Variants in MCM8 observed in about 807,000 individuals in gnomAD.
The protein encoded by MCM8 is DNA helicase MCM8.
MCM8 carries 85 observed loss-of-function variants against 98.9 expected under a neutral mutation model. That is an observed-to-expected ratio of 0.86 (90% CI 0.72 to 1.03). The LOEUF is 1.03. MCM8 is among the 50% of genes least tolerant of loss of function. The probability of loss-of-function intolerance (pLI) is 0.00; values close to 1 mark genes in which losing one functional copy is unlikely to be tolerated. For missense variants in MCM8, 951 were observed against 997.8 expected (o/e 0.95, Z 0.63); for synonymous variants, 352 against 338.6 (o/e 1.04, Z -0.44).
At position 5,958,045 on chromosome 20, in the gene MCM8, A is replaced by G. The variant is rs1438448767; in HGVS notation, c.591-483A>G. Among the ~76,000 whole-genome samples, 3 of 152,268 alleles carry G rather than the reference A, an allele frequency of 2.0e-5. No homozygotes were observed. The East Asian group carries it at 5.8e-4, about 29-fold the overall frequency. On this transcript the variant is annotated intron_variant, in intron 6 of 18. Transcript: ENST00000610722. The stretch of plus-strand genomic sequence containing the variant: ...TTCCTTGAGAACAGCCTGTGAGACA[A>G]GAAGAAAAAGGAAGATTTAGTGTTG...
At chr20:5,952,253 T>G in intron 2 of MCM8, 90 bp downstream of exon 2, 1 of 1,569,530 alleles carries the variant, frequency 6.4e-7, no homozygotes, top group South Asian at 1.2e-5. Flanking sequence ...TACTTCAGTT[T>G]GTCTTTTATT....
At chr20:5,951,584 A>G (rs1176350348) in intron 1 of MCM8, among the ~76,000 whole-genome samples, 1 of 152,230 alleles carries the variant, frequency 6.6e-6, no homozygotes, top group Non-Finnish European at 1.5e-5. Context: ...GTAAGAAGCT[A>G]TGATGATGTA....
In MCM8 at chr20:5,995,639, A is replaced by G. The variant is rs886743317; in HGVS notation, c.*1248A>G. 3.9e-5 allele frequency: 6 copies of G among 152,230 alleles called. No individual in the cohort carries two copies. The highest frequency in any genetic ancestry group is 1.9e-4 in the East Asian group (1 of 5,204). The allele number at this position is 152,230 out of a possible 1,614,324, so 9.4% of individuals were successfully genotyped here. A position where few individuals can be genotyped will look rare whatever the true frequency, so the allele number is the denominator to read the frequency against. On this transcript the variant is annotated 3_prime_UTR_variant, in exon 19 of 19. Coordinates refer to ENST00000610722, the MANE Select transcript of MCM8 (RefSeq NM_032485.6). ...AAAGGGTATGTTATATGCCCCTTTC[A>G]TAGGCTGCTAGGGAGTTTTCCTGGT...
At position 5,986,112 on chromosome 20, in the gene MCM8, C is replaced by G. The variant is rs1417668763; in HGVS notation, c.2144C>G (p.Ser715Cys). The G allele has an allele frequency of 1.2e-6, 2 of 1,614,170 alleles. No individual in the cohort carries two copies. Among genetic ancestry groups the G allele is most frequent in the Non-Finnish European group, 1.7e-6 (2 of 1,180,022 alleles). Residue 715 changes from serine (S) to cysteine (C), a missense_variant, in exon 16 of 19, where the codon TCT (serine) becomes TGT (cysteine). Physicochemically the swap from Ser to Cys is moderately radical, Grantham distance 112. Transcript: ENST00000610722. ...CCAATCACTACCAGGCAGCTGGAATCTTTGATTCGTCTGACAGAGGTTTGT... is the reference window on the plus strand; with the variant it reads ...CCAATCACTACCAGGCAGCTGGAATGTTTGATTCGTCTGACAGAGGTTTGT... ...SSPITTRQLE[S>C]LIRLTEARAR... is the part of the protein sequence containing the mutation.
Position 5,952,066 on chromosome 20 carries a change from C to A in MCM8, c.51C>A (p.Ser17Arg), listed in dbSNP as rs1270739083. 2 of 1,613,820 alleles carry A rather than the reference C, an allele frequency of 1.2e-6. No individual in the cohort carries two copies. The highest frequency in any genetic ancestry group is 1.3e-5 in the African/African-American group (1 of 74,868). ...GRGFGRGRFQ[S>R]WKRGRGGGNF... Reference sequence around the variant, plus strand: ...GATTTGGACGAGGAAGATTTCAAAGCTGGAAAAGGGGAAGAGGTGGTGGGA... The same window carrying A: ...GATTTGGACGAGGAAGATTTCAAAGATGGAAAAGGGGAAGAGGTGGTGGGA... Residue 17 changes from serine (S) to arginine (R), a missense_variant, in exon 2 of 19, where the codon AGC (serine) becomes AGA (arginine). Physicochemically the swap from Ser to Arg is moderately radical, Grantham distance 110. Transcript: ENST00000610722.
At chr20:5,952,666 A>G (rs1266099313) in intron 3 of MCM8, 138 bp downstream of exon 3, 5 of 723,956 alleles carry the variant, frequency 6.9e-6, no homozygotes, top group East Asian at 2.7e-5. Context: ...CAATTAAATG[A>G]TGTTTATGTT....
Position 5,994,488 on chromosome 20 carries a change from C to G in MCM8, c.*97C>G, listed in dbSNP as rs1466188630. ...ACGCACAGACAGACAGACACACACA[C>G]ACACACACACACACACACACACACA... On this transcript the variant is annotated 3_prime_UTR_variant, in exon 19 of 19. Coordinates refer to ENST00000610722, the MANE Select transcript of MCM8 (RefSeq NM_032485.6). 1.5e-5 allele frequency: 8 copies of G among 530,718 alleles called. No individual in the cohort carries two copies. Among genetic ancestry groups the G allele is most frequent in the East Asian group, 8.4e-5 (2 of 23,792 alleles). 32.9% of individuals were successfully genotyped at this position (530,718 alleles called of 1,614,324 possible). A position where few individuals can be genotyped will look rare whatever the true frequency, so the allele number is the denominator to read the frequency against.
chr20:5,984,249 A>G (rs1375503740), intron 14 of MCM8, among the ~76,000 whole-genome samples: 2 of 152,206 alleles, frequency 1.3e-5, no homozygotes, highest in East Asian at 1.9e-4. Context: ...TTAATAATGT[A>G]TCAATATAGA....
At chr20:5,954,427 A>T (rs1397175911) in intron 3 of MCM8, among the ~76,000 whole-genome samples, 181 bp from the exon 4 acceptor site, 1 of 152,206 alleles carries the variant, frequency 6.6e-6, no homozygotes, top group African/African-American at 2.4e-5. Context: ...CATTATGCAA[A>T]CCTAAATTTG....
chr20:5,975,437 T>TAGGG (rs1215066159), intron 12 of MCM8, among the ~76,000 whole-genome samples: 2 of 151,988 alleles, frequency 1.3e-5, no homozygotes, highest in African/African-American at 4.8e-5. Flanking sequence ...GTGTCTTATC[T>TAGGG]GTACAAATCT....
At position 5,994,553 on chromosome 20, in the gene MCM8, C is replaced by T. The variant is rs1157104563; in HGVS notation, c.*162C>T. ...AATACTGTTCTCTGAAAAATGATGT[C>T]CCAAAAGTATTATAATAGGAAAAAA... On this transcript the variant is annotated 3_prime_UTR_variant, in exon 19 of 19. Coordinates refer to ENST00000610722, the MANE Select transcript of MCM8 (RefSeq NM_032485.6). 1 of 563,940 alleles carries T rather than the reference C, an allele frequency of 1.8e-6. No individual in the cohort carries two copies. The allele number at this position is 563,940 out of a possible 1,614,324, so 34.9% of individuals were successfully genotyped here.
rs11472210 is a variant in MCM8 at position 5,994,478 on chromosome 20, GACACACACACAC to G, written c.*121_*132del. On this transcript the variant is annotated 3_prime_UTR_variant, in exon 19 of 19. Transcript: ENST00000610722. ...ATATGCGTGCACGCACAGACAGACA[GACACACACACAC>G]ACACACACACACACACACACACACA... 7.9e-3 allele frequency: 3,044 copies of G among 384,268 alleles called. 36 individuals are homozygous for G. Among genetic ancestry groups the G allele is most frequent in the African/African-American group, 0.044 (1,891 of 43,256 alleles). The allele number at this position is 384,268 out of a possible 1,614,324, so 23.8% of individuals were successfully genotyped here. A position where few individuals can be genotyped will look rare whatever the true frequency, so the allele number is the denominator to read the frequency against.
chr20:5,972,125 T>TGTAA, intron 11 of MCM8, 88 bp downstream of exon 11: 1 of 939,874 alleles, frequency 1.1e-6, no homozygotes, highest in Non-Finnish European at 1.6e-6. Flanking sequence ...AGCAAATTTC[T>TGTAA]ATTGGCCAGT....
chr20:5,996,856 T>G lies in MCM8; in HGVS notation c.*2465T>G, dbSNP rs761975447. ...CTTTTATGGGTGTGCAAACATCACA[T>G]TACAGTCCCTCCAACCACAAACCCC... On this transcript the variant is annotated 3_prime_UTR_variant, in exon 19 of 19. Transcript: ENST00000610722. 9 of 152,264 alleles carry G rather than the reference T, an allele frequency of 5.9e-5. No homozygotes were observed. The highest frequency in any genetic ancestry group is 1.2e-4 in the Non-Finnish European group (8 of 68,066). The allele number at this position is 152,264 out of a possible 1,614,324, so 9.4% of individuals were successfully genotyped here. A position where few individuals can be genotyped will look rare whatever the true frequency, so the allele number is the denominator to read the frequency against.
At chr20:5,994,049 C>A in intron 18 of MCM8, 1 of 320,658 alleles carries the variant, frequency 3.1e-6, no homozygotes, top group Admixed American at 4.9e-5. Flanking sequence ...CAAAAGTTAG[C>A]TTGATTTTTT....
intron 17 of MCM8, among the ~76,000 whole-genome samples, 180 bp downstream of exon 17, chr20:5,987,538 A>AT (rs1188289707): frequency 6.6e-6 from 1 of 152,154 alleles, no homozygotes; most frequent in Non-Finnish European, 1.5e-5. Context: ...TACATTAGAA[A>AT]TTTTTTTGAA....
At chr20:5,951,063 T>C (rs2088808560) in intron 1 of MCM8, 40 bp downstream of exon 1, 1 of 152,198 alleles carries the variant, frequency 6.6e-6, no homozygotes, top group South Asian at 2.1e-4. Context: ...TAAAGTAGTA[T>C]TTGAAGAAGC....
chr20:5,978,340 C>G (rs942466597), intron 13 of MCM8, among the ~76,000 whole-genome samples: 1 of 151,916 alleles, frequency 6.6e-6, no homozygotes, highest in Non-Finnish European at 1.5e-5. Flanking sequence ...TTTTAAAAGC[C>G]TGTTTTGAAG....
intron 17 of MCM8, among the ~76,000 whole-genome samples, chr20:5,992,882 G>T (rs236122): frequency 1.8e-4 from 28 of 152,010 alleles, no homozygotes; most frequent in African/African-American, 6.5e-4. Context: ...ATCAGCAATA[G>T]AGTTGGATTA....
Sources: gnomAD v4.1 joint callset for allele counts (sites outside exome capture counted in the v4.1 genomes callset) on GRCh38, gnomAD v4.1.1 for gene constraint, MANE v1.5 for transcripts, NCBI Gene and HGNC (gene_info 2026-07-23, HGNC 2026-07-21) for gene names.